Variants in PDE4D observed in about 807,000 individuals in gnomAD.
PDE4D encodes the protein 3',5'-cyclic-AMP phosphodiesterase 4D.
PDE4D carries 24 observed loss-of-function variants against 87.4 expected under a neutral mutation model. The observed-to-expected ratio is 0.27, with a 90% CI of 0.20 to 0.39. PDE4D has a LOEUF of 0.39. PDE4D is among the 10% of genes least tolerant of loss of function. The pLI, the probability that PDE4D is intolerant of heterozygous loss-of-function variation, is 1.00. For synonymous variants in PDE4D, 384 were observed against 383.2 expected, an observed-to-expected ratio of 1.00 and a Z score of -0.02; for missense variants, 714 against 1,041.0, an observed-to-expected ratio of 0.69 and a Z score of 4.32.
intron 2 of PDE4D, among the ~76,000 whole-genome samples, chr5:59,194,891 A>C (rs551232277): frequency 6.6e-6 from 1 of 152,350 alleles, no homozygotes; most frequent in East Asian, 1.9e-4. Context: ...AACAGTATTA[A>C]GAGGTGGGGG....
At chr5:59,529,705 G>A (rs1813824878) in intron 1 of PDE4D, among the ~76,000 whole-genome samples, 1 of 151,826 alleles carries the variant, frequency 6.6e-6, no homozygotes, top group Non-Finnish European at 1.5e-5. Flanking sequence ...CCAATTTAAG[G>A]TTTTGAAATA....
chr5:59,771,319 T>G (rs181581214), intron 1 of PDE4D, among the ~76,000 whole-genome samples: 98 of 150,424 alleles, frequency 6.5e-4, no homozygotes, highest in African/African-American at 2.1e-3. Flanking sequence ...AATGTCTGGC[T>G]CTAAGTAGAG....
At chr5:60,454,565 C>T (rs537246503) in intron 1 of PDE4D, among the ~76,000 whole-genome samples, 3 of 152,210 alleles carry the variant, frequency 2.0e-5, no homozygotes, top group Non-Finnish European at 4.4e-5. Context: ...AACCAAACAC[C>T]ACATGTTTTC....
chr5:59,942,768 T>TAGAG (rs2152799321), intron 3 of PDE4D, among the ~76,000 whole-genome samples: 2 of 148,930 alleles, frequency 1.3e-5, no homozygotes, highest in South Asian at 4.2e-4. Flanking sequence ...GGAATATAGC[T>TAGAG]AGAGAGAATA....
intron 1 of PDE4D, among the ~76,000 whole-genome samples, chr5:59,611,190 G>A (rs1828959152): frequency 6.6e-6 from 1 of 152,112 alleles, no homozygotes; most frequent in African/African-American, 2.4e-5. Context: ...TCAGCAGATT[G>A]GATATCTGGT....
chr5:59,520,522 G>A (rs1182618961), intron 1 of PDE4D, among the ~76,000 whole-genome samples: 1 of 152,136 alleles, frequency 6.6e-6, no homozygotes, highest in African/African-American at 2.4e-5. Context: ...AGAAAGGCAT[G>A]GGCATTGTGG....
chr5:59,875,406 A>G (rs1241922105), intron 1 of PDE4D, among the ~76,000 whole-genome samples: 1 of 132,890 alleles, frequency 7.5e-6, no homozygotes, highest in Non-Finnish European at 1.6e-5. Context: ...GGTTGCAGTG[A>G]GCCGAGATTG....
chr5:59,416,394 AATTT>A (rs1225918914), intron 1 of PDE4D, among the ~76,000 whole-genome samples: 1 of 152,078 alleles, frequency 6.6e-6, no homozygotes, highest in African/African-American at 2.4e-5. Flanking sequence ...TGTATGCCTG[AATTT>A]TTTTCCATGG....
At chr5:59,969,048 T>A (rs555715284) in intron 3 of PDE4D, among the ~76,000 whole-genome samples, 2 of 150,088 alleles carry the variant, frequency 1.3e-5, no homozygotes, top group Non-Finnish European at 3.0e-5. Flanking sequence ...TCTTTAATAT[T>A]TCTATTATTG....
In PDE4D at chr5:58,972,063, C is replaced by G. The variant is rs878940076; in HGVS notation, c.*2601G>C. 9.2e-5 allele frequency: 14 copies of G among 152,510 alleles called. No individual in the cohort carries two copies. The South Asian group carries it at 2.9e-3, about 32-fold the overall frequency. 9.4% of individuals were successfully genotyped at this position (152,510 alleles called of 1,614,324 possible). On this transcript the variant is annotated 3_prime_UTR_variant, in exon 15 of 15. Coordinates refer to ENST00000340635, the MANE Select transcript of PDE4D (RefSeq NM_001104631.2). Reference sequence around the variant, plus strand: ...TGCAGTTATAAACCCTTTACCCTTTCAGGTCTGGATTTGTTAATGACATAT... The same window carrying G: ...TGCAGTTATAAACCCTTTACCCTTTGAGGTCTGGATTTGTTAATGACATAT...
chr5:60,356,134 C>A (rs776536904), intron 1 of PDE4D, among the ~76,000 whole-genome samples: 1 of 152,110 alleles, frequency 6.6e-6, no homozygotes, highest in Non-Finnish European at 1.5e-5. Flanking sequence ...TGGTCAGGAA[C>A]CCCCAGAGCC....
chr5:59,624,044 C>T (rs1251878598), intron 1 of PDE4D, among the ~76,000 whole-genome samples: 1 of 152,094 alleles, frequency 6.6e-6, no homozygotes, highest in Non-Finnish European at 1.5e-5. Context: ...ATATATAAAG[C>T]AGCCCCGTTG....
At position 59,132,011 on chromosome 5, in the gene PDE4D, T is replaced by C. The variant is rs771198720; in HGVS notation, c.808+48584A>G. On this transcript the variant is annotated intron_variant, in intron 5 of 14. Transcript: ENST00000340635. ...CGGGTCCCACCTTTATTTTTTACTTTTCTGATAGTTCCCACAACTTTGCCC... is the reference window on the plus strand; with the variant it reads ...CGGGTCCCACCTTTATTTTTTACTTCTCTGATAGTTCCCACAACTTTGCCC... 2.6e-5 allele frequency among the ~76,000 whole-genome samples: 4 copies of C among 152,120 alleles called. 1 individual carries two copies. The highest frequency in any genetic ancestry group is 5.9e-5 in the Non-Finnish European group (4 of 68,022).
Position 60,445,530 on chromosome 5 carries a change from G to A in PDE4D, c.-90+42412C>T, listed in dbSNP as rs534917567. ...TAAAATAAAGAAACTGGAAGAAAAT[G>A]TAGGAAAAGTGTGTGTGATCTTGGG... On this transcript the variant is annotated intron_variant, in intron 1 of 16. Coordinates refer to the PDE4D transcript ENST00000502484. 9.9e-5 allele frequency among the ~76,000 whole-genome samples: 15 copies of A among 152,252 alleles called. No homozygotes were observed. In the East Asian group the frequency reaches 2.3e-3, roughly 24 times the overall value.
intron 1 of PDE4D, among the ~76,000 whole-genome samples, chr5:59,739,902 T>A (rs1266409680): frequency 6.6e-6 from 1 of 152,202 alleles, no homozygotes; most frequent in African/African-American, 2.4e-5. Flanking sequence ...TAGGATGGTA[T>A]GAAATAACAT....
chr5:59,146,527 G>A (rs976059480), intron 5 of PDE4D, among the ~76,000 whole-genome samples: 1 of 151,810 alleles, frequency 6.6e-6, no homozygotes, highest in Non-Finnish European at 1.5e-5. Context: ...TTGAAAGTTA[G>A]CAAATGAGTT....
chr5:59,039,156 C>A (rs1048839273), intron 5 of PDE4D, 185 bp from the exon 6 acceptor site: 1 of 1,348,700 alleles, frequency 7.4e-7, no homozygotes, highest in East Asian at 3.1e-5. Flanking sequence ...GCTCGCGGGG[C>A]GGCCGGCCTC....
chr5:59,596,842 C>G (rs1302722061), intron 1 of PDE4D, among the ~76,000 whole-genome samples: 1 of 152,110 alleles, frequency 6.6e-6, no homozygotes, highest in African/African-American at 2.4e-5. Context: ...AATTGAGACT[C>G]TAATCAGTTC....
At chr5:60,371,422 T>A (rs1044944414) in intron 1 of PDE4D, among the ~76,000 whole-genome samples, 1 of 152,204 alleles carries the variant, frequency 6.6e-6, no homozygotes, top group Non-Finnish European at 1.5e-5. Context: ...TAATCGGAGA[T>A]GCATTAAACA....
Sources: gnomAD v4.1 joint callset for allele counts (sites outside exome capture counted in the v4.1 genomes callset) on GRCh38, gnomAD v4.1.1 for gene constraint, MANE v1.5 for transcripts, NCBI Gene and HGNC (gene_info 2026-07-23, HGNC 2026-07-21) for gene names.